Variants in ADCY5 observed in about 807,000 individuals in gnomAD.
ADCY5 encodes the protein adenylate cyclase 5, also known as adenylate cyclase type 5.
Under a neutral mutation model 119.7 loss-of-function variants are expected in ADCY5, and 30 were observed. The observed-to-expected ratio is 0.25, with a 90% CI of 0.19 to 0.34. The LOEUF (loss-of-function observed/expected upper bound fraction) is 0.34. Among genes scored for constraint, ADCY5 ranks in the 10% least tolerant of loss-of-function variants. The pLI is 1.00. For synonymous variants in ADCY5, 753 were observed against 762.2 expected, an observed-to-expected ratio of 0.99 and a Z score of 0.20; for missense variants, 1,324 against 1,775.2, an observed-to-expected ratio of 0.75 and a Z score of 4.57.
intron 1 of ADCY5, among the ~76,000 whole-genome samples, chr3:123,360,007 G>A (rs1247194739): frequency 2.0e-5 from 3 of 151,264 alleles, no homozygotes; most frequent in Non-Finnish European, 4.4e-5. Flanking sequence ...ACTCTTAGAA[G>A]GCATGTCGGC....
intron 8 of ADCY5, among the ~76,000 whole-genome samples, chr3:123,322,445 C>T (rs917079209): frequency 6.6e-6 from 1 of 152,180 alleles, no homozygotes; most frequent in South Asian, 2.1e-4. Flanking sequence ...ACACTGCTTG[C>T]CATGTTGGTG....
Position 123,284,570 on chromosome 3 carries a change from T to C in ADCY5, c.*38A>G, listed in dbSNP as rs759011923. 5.0e-6 allele frequency: 8 copies of C among 1,612,832 alleles called. No homozygotes were observed. Among genetic ancestry groups the C allele is most frequent in the Non-Finnish European group, 6.8e-6 (8 of 1,179,040 alleles). The stretch of plus-strand genomic sequence containing the variant: ...CACAGAGAAGCTGCTTCCATGCCTC[T>C]GGAGGCCAGGCTGCCTGGCACCATT... On this transcript the variant is annotated 3_prime_UTR_variant, in exon 21 of 21. Transcript: ENST00000462833.
intron 2 of ADCY5, among the ~76,000 whole-genome samples, chr3:123,350,769 G>T (rs1255892109): frequency 1.3e-5 from 2 of 152,222 alleles, no homozygotes; most frequent in Non-Finnish European, 2.9e-5. Context: ...TGGATTTGGT[G>T]GAATGCCCAG....
intron 12 of ADCY5, among the ~76,000 whole-genome samples, chr3:123,311,582 G>A (rs1281852155): frequency 1.3e-5 from 2 of 152,332 alleles, no homozygotes; most frequent in East Asian, 1.9e-4. Context: ...TCCAGAAAGC[G>A]GACAAACCCT....
At chr3:123,316,900 A>G (rs1277413144) in intron 11 of ADCY5, among the ~76,000 whole-genome samples, 1 of 152,200 alleles carries the variant, frequency 6.6e-6, no homozygotes, top group Non-Finnish European at 1.5e-5. Flanking sequence ...AAATAGATGA[A>G]AAAAACACTG....
Position 123,389,154 on chromosome 3 carries a change from G to C in ADCY5, c.1135-36573C>G, listed in dbSNP as rs1944324941. Reference sequence around the variant, plus strand: ...GGTGCAGGACGTCGGCTGAGATGGAGAGGGAAGGCTTATGACGTCCTCAAT... The same window carrying C: ...GGTGCAGGACGTCGGCTGAGATGGACAGGGAAGGCTTATGACGTCCTCAAT... On this transcript the variant is annotated intron_variant, in intron 1 of 20. Coordinates refer to ENST00000462833, the MANE Select transcript of ADCY5 (RefSeq NM_183357.3). Among the ~76,000 whole-genome samples the C allele has an allele frequency of 2.6e-5, 4 of 152,074 alleles. 1 individual carries two copies. Among genetic ancestry groups the C allele is most frequent in the Admixed American group, 2.6e-4 (4 of 15,286 alleles).
At chr3:123,303,562 A>G (rs1458384706) in intron 13 of ADCY5, among the ~76,000 whole-genome samples, 3 of 152,176 alleles carry the variant, frequency 2.0e-5, no homozygotes, top group African/African-American at 4.8e-5. Flanking sequence ...CTGTAATCCC[A>G]GTACTTTGAG....
chr3:123,333,139 C>T (rs1350740416), intron 3 of ADCY5, among the ~76,000 whole-genome samples: 5 of 152,166 alleles, frequency 3.3e-5, no homozygotes, highest in African/African-American at 4.8e-5. Context: ...GGAGCCCTCA[C>T]GAATGGATTA....
rs144292688 is a variant in ADCY5 at position 123,291,292 on chromosome 3, C to T, written c.3148G>A (p.Ala1050Thr). ...LHNILPKDVAAHFLARERRND... is the reference protein window; with the variant it reads ...LHNILPKDVATHFLARERRND... ...CGCCGCTCGCGGGCCAGGAAGTGAGCGGCCACGTCCTTGGGCAGGATGTTG... is the reference window on the plus strand; with the variant it reads ...CGCCGCTCGCGGGCCAGGAAGTGAGTGGCCACGTCCTTGGGCAGGATGTTG... The change falls in exon 18 of 21, where the codon GCT becomes ACT. Residue 1050 changes from alanine (A) to threonine (T), a missense_variant. Around this residue, in one of 6 missense-constraint regions of ADCY5, gnomAD observed 178 missense variants for 329.6 expected, o/e 0.54. Transcript: ENST00000462833. The T allele has an allele frequency of 1.7e-5, 27 of 1,613,948 alleles. No homozygotes were observed. Among genetic ancestry groups the T allele is most frequent in the African/African-American group, 1.3e-4 (10 of 75,058 alleles).
chr3:123,319,896 C>T, intron 9 of ADCY5, 78 bp from the exon 10 acceptor site: 1 of 1,562,660 alleles, frequency 6.4e-7, no homozygotes, highest in Non-Finnish European at 8.7e-7. Flanking sequence ...CCGACCATCC[C>T]CCCAGACTCT....
intron 3 of ADCY5, among the ~76,000 whole-genome samples, chr3:123,337,816 C>G (rs1295493352): frequency 6.6e-6 from 1 of 152,186 alleles, no homozygotes; most frequent in Non-Finnish European, 1.5e-5. Flanking sequence ...AAAATTCAAC[C>G]CACAACAGTG....
rs190791389 is a variant in ADCY5 at position 123,434,308 on chromosome 3, G to A, written c.1134+13104C>T. ...CATCAGCATCACAGGTCTGTAACCC[G>A]CCTCACAGCTTACAGAGTGCCCTCA... is the stretch of plus-strand genomic sequence containing the variant. On this transcript the variant is annotated intron_variant, in intron 1 of 20. Transcript: ENST00000462833. 1.8e-3 allele frequency among the ~76,000 whole-genome samples: 270 copies of A among 152,304 alleles called. 1 individual carries two copies. The highest frequency in any genetic ancestry group is 5.9e-3 in the African/African-American group (247 of 41,566).
At chr3:123,310,022 T>C (rs1376737316) in intron 12 of ADCY5, among the ~76,000 whole-genome samples, 18 of 151,140 alleles carry the variant, frequency 1.2e-4, no homozygotes, top group Middle Eastern at 6.9e-3. Flanking sequence ...CAGGTGTTCA[T>C]ACAATCAGGT....
chr3:123,307,044 G>C (rs1215897761), intron 12 of ADCY5, among the ~76,000 whole-genome samples: 1 of 152,066 alleles, frequency 6.6e-6, no homozygotes, highest in Non-Finnish European at 1.5e-5. Flanking sequence ...GTGAATCACA[G>C]AGACAAAGTA....
chr3:123,396,312 A>G (rs1269388501), intron 1 of ADCY5, among the ~76,000 whole-genome samples: 2 of 148,060 alleles, frequency 1.4e-5, no homozygotes, highest in Non-Finnish European at 3.0e-5. Flanking sequence ...AAAGAAAGAA[A>G]GATGAAAAAG....
At chr3:123,355,306 G>A (rs1473819304) in intron 1 of ADCY5, among the ~76,000 whole-genome samples, 3 of 152,178 alleles carry the variant, frequency 2.0e-5, no homozygotes, top group African/African-American at 7.2e-5. Context: ...TTATATATGA[G>A]TAAATACCAA....
At position 123,304,116 on chromosome 3, in the gene ADCY5, A is replaced by G. The variant is rs1940055760; in HGVS notation, c.2510T>C (p.Val837Ala). 2.0e-6 allele frequency: 3 copies of G among 1,500,264 alleles called. No individual in the cohort carries two copies. The South Asian group carries it at 3.3e-5, about 17-fold the overall frequency. 92.9% of individuals were successfully genotyped at this position (1,500,264 alleles called of 1,614,324 possible). A position where few individuals can be genotyped will look rare whatever the true frequency, so the allele number is the denominator to read the frequency against. The change falls in exon 13 of 21, where the codon GTT becomes GCT. Residue 837 changes from valine (V) to alanine (A), a missense_variant. Physicochemically the swap from Val to Ala is moderately conservative, Grantham distance 64. Transcript: ENST00000462833. ...CACCAGGGTGATGGTGAACACCCCAACCAGGGTGCTGTTCATCTTGGACCG... is the reference window on the plus strand; with the variant it reads ...CACCAGGGTGATGGTGAACACCCCAGCCAGGGTGCTGTTCATCTTGGACCG... ...IVRSKMNSTL[V>A]GVFTITLVFL...
At chr3:123,396,400 A>G (rs1481013796) in intron 1 of ADCY5, among the ~76,000 whole-genome samples, 9 of 136,676 alleles carry the variant, frequency 6.6e-5, no homozygotes, top group Admixed American at 5.0e-4. Flanking sequence ...AGAGAGAAAA[A>G]GAAAGAGAAA....
intron 17 of ADCY5, among the ~76,000 whole-genome samples, chr3:123,295,871 G>A (rs889851428): frequency 6.6e-6 from 1 of 152,364 alleles, no homozygotes; most frequent in African/African-American, 2.4e-5. Context: ...TCTGCACAGA[G>A]TAAGTCCCAG....
Sources: gnomAD v4.1 joint callset for allele counts (sites outside exome capture counted in the v4.1 genomes callset) on GRCh38, gnomAD v4.1.1 for gene constraint, gnomAD v4.1.1 regional missense constraint, MANE v1.5 for transcripts, NCBI Gene and HGNC (gene_info 2026-07-23, HGNC 2026-07-21) for gene names.